RALGAPA1: variants seen among roughly 807,000 people sequenced by gnomAD.
RALGAPA1 encodes the protein ral GTPase-activating protein subunit alpha-1.
A neutral mutation model predicts 269.6 loss-of-function variants in RALGAPA1; 52 were observed. The observed-to-expected ratio is 0.19, with a 90% confidence interval of 0.15 to 0.24. The LOEUF (loss-of-function observed/expected upper bound fraction) is 0.24, where lower values mean the gene tolerates loss of function less well. RALGAPA1 is among the 10% of genes least tolerant of loss of function. The pLI, the probability that RALGAPA1 is intolerant of heterozygous loss-of-function variation, is 1.00. For missense variants in RALGAPA1, 1,917 were observed against 3,013.9 expected (o/e 0.64, Z 8.52); for synonymous variants, 817 against 1,008.3 (o/e 0.81, Z 3.60).
Position 35,539,682 on chromosome 14 carries a change from G to T in RALGAPA1, c.*32C>A. On this transcript the variant is annotated 3_prime_UTR_variant, in exon 42 of 42. Coordinates refer to ENST00000680220, the MANE Select transcript of RALGAPA1 (RefSeq NM_001346249.2). ...GGAGTTTCACTGGGTAGAATCTCTG[G>T]GTAGGAGCCTGTAGGAAACAGCAAG... The T allele has an allele frequency of 6.2e-7, 1 of 1,613,904 alleles. No individual in the cohort carries two copies. Among genetic ancestry groups the T allele is most frequent in the Non-Finnish European group, 8.5e-7 (1 of 1,179,928 alleles).
chr14:35,691,954 C>T (rs558610843), intron 17 of RALGAPA1, among the ~76,000 whole-genome samples: 10 of 152,182 alleles, frequency 6.6e-5, no homozygotes, highest in South Asian at 2.1e-4. Context: ...AAGTGAAAAG[C>T]GAAACATTTC....
chr14:35,776,669 A>G (rs906059795), intron 1 of RALGAPA1, among the ~76,000 whole-genome samples: 7 of 152,296 alleles, frequency 4.6e-5, no homozygotes, highest in South Asian at 2.1e-4. Flanking sequence ...TGGGGAAAGA[A>G]AAAAGGCCTG....
At chr14:35,782,623 G>C (rs960757778) in intron 1 of RALGAPA1, among the ~76,000 whole-genome samples, 1 of 151,532 alleles carries the variant, frequency 6.6e-6, no homozygotes, top group Non-Finnish European at 1.5e-5. Flanking sequence ...TAGTAGAGAC[G>C]AGGTTGGCCA....
intron 1 of RALGAPA1, among the ~76,000 whole-genome samples, chr14:35,805,391 G>A (rs1326789841): frequency 2.0e-5 from 3 of 150,346 alleles, no homozygotes; most frequent in East Asian, 3.9e-4. Flanking sequence ...GCAGTGAGCC[G>A]AGATCGCGCC....
At chr14:35,600,232 C>CTTTTTTTTTTTTTTTTTTTTTTTTT (rs71124708) in intron 36 of RALGAPA1, among the ~76,000 whole-genome samples, 5 of 86,934 alleles carry the variant, frequency 5.8e-5, no homozygotes, top group Non-Finnish European at 1.2e-4. Flanking sequence ...TTCTTTTTTT[C>CTTTTTTTTTTTTTTTTTTTTTTTTT]TTTTTTTTTT....
chr14:35,760,080 G>T (rs889520647), intron 6 of RALGAPA1, among the ~76,000 whole-genome samples: 1 of 152,016 alleles, frequency 6.6e-6, no homozygotes, highest in Admixed American at 6.6e-5. Flanking sequence ...CATTTTCACA[G>T]TCATCTAATG....
chr14:35,700,314 G>T lies in RALGAPA1; in HGVS notation c.2267-12C>A. 6.7e-7 allele frequency: 1 copy of T among 1,500,170 alleles called. No homozygotes were observed. Among genetic ancestry groups the T allele is most frequent in the Non-Finnish European group, 8.8e-7 (1 of 1,134,252 alleles). 92.9% of individuals were successfully genotyped at this position (1,500,170 alleles called of 1,614,324 possible). ...TCGGCTTCTCATGGCTTTAAAAAAG[G>T]AAAAGAAAGAAGTGGGGAAGGAAAA... On this transcript the variant is annotated splice_polypyrimidine_tract_variant and intron_variant, in intron 16 of 41. Transcript: ENST00000680220.
At chr14:35,766,032 CTGA>C in intron 4 of RALGAPA1, 1 of 1,377,328 alleles carries the variant, frequency 7.3e-7, no homozygotes, top group East Asian at 2.3e-5. Context: ...TTCAGACTGG[CTGA>C]TAACTGGAGG....
intron 1 of RALGAPA1, among the ~76,000 whole-genome samples, chr14:35,791,015 T>C (rs1306758830): frequency 1.3e-5 from 2 of 152,142 alleles, no homozygotes; most frequent in Non-Finnish European, 2.9e-5. Context: ...ACTGAAGTCC[T>C]TGATAAACTT....
Position 35,702,723 on chromosome 14 carries a change from A to AT in RALGAPA1, c.2267-2422_2267-2421insA, listed in dbSNP as rs1223221623. ...TTGTAATCACCTTTAATTAAAAAAA[A>AT]AAAATATATATATATATACATTTTT... On this transcript the variant is annotated intron_variant, in intron 16 of 41. Coordinates refer to ENST00000680220, the MANE Select transcript of RALGAPA1 (RefSeq NM_001346249.2). Among the ~76,000 whole-genome samples the AT allele has an allele frequency of 9.4e-3, 1,084 of 115,466 alleles. 10 individuals are homozygous for AT. The highest frequency in any genetic ancestry group is 0.031 in the African/African-American group (901 of 29,014). The allele number at this position is 115,466 out of a possible 152,430, so 75.8% of individuals were successfully genotyped here. A position where few individuals can be genotyped will look rare whatever the true frequency, so the allele number is the denominator to read the frequency against.
At chr14:35,568,131 A>C (rs2056861953) in intron 39 of RALGAPA1, among the ~76,000 whole-genome samples, 1 of 152,160 alleles carries the variant, frequency 6.6e-6, no homozygotes, top group South Asian at 2.1e-4. Context: ...TATGCCAATA[A>C]ACAGATTAAA....
chr14:35,750,302 A>G (rs1306756755), intron 9 of RALGAPA1, among the ~76,000 whole-genome samples, 180 bp downstream of exon 9: 1 of 152,186 alleles, frequency 6.6e-6, no homozygotes, highest in Non-Finnish European at 1.5e-5. Context: ...TTCCCGTTTC[A>G]TTTCTTTATT....
chr14:35,611,780 G>A (rs940371266), intron 35 of RALGAPA1, among the ~76,000 whole-genome samples: 1 of 152,016 alleles, frequency 6.6e-6, no homozygotes, highest in African/African-American at 2.4e-5. Context: ...CTCTGAAATT[G>A]ACTAGCTCAT....
At chr14:35,664,802 A>C (rs1298344425) in intron 26 of RALGAPA1, 35 bp from the exon 27 acceptor site, 1 of 1,591,432 alleles carries the variant, frequency 6.3e-7, no homozygotes, top group Admixed American at 1.8e-5. Flanking sequence ...TTAAAAATAT[A>C]TTGGTGTTAT....
chr14:35,791,862 G>GCA lies in RALGAPA1; in HGVS notation c.107-16118_107-16117insTG, dbSNP rs1567238465. 6.7e-5 allele frequency among the ~76,000 whole-genome samples: 8 copies of GCA among 119,600 alleles called. No homozygotes were observed. The South Asian group carries it at 2.2e-3, about 34-fold the overall frequency. The allele number at this position is 119,600 out of a possible 152,430, so 78.5% of individuals were successfully genotyped here. Reference sequence around the variant, plus strand: ...TGGAGCTTGCAGTGAGCCGAGATCTGCCACTGCACTCCAGCCTGGCCGACA... The same window carrying GCA: ...TGGAGCTTGCAGTGAGCCGAGATCTGCACCACTGCACTCCAGCCTGGCCGACA... On this transcript the variant is annotated intron_variant, in intron 1 of 41. Transcript: ENST00000680220.
chr14:35,701,079 A>G (rs1161806929), intron 16 of RALGAPA1, among the ~76,000 whole-genome samples: 1 of 152,214 alleles, frequency 6.6e-6, no homozygotes, highest in Non-Finnish European at 1.5e-5. Context: ...ACTTTTTAAA[A>G]ATTGCATTTG....
intron 37 of RALGAPA1, among the ~76,000 whole-genome samples, chr14:35,589,420 A>G (rs1011285092): frequency 6.6e-6 from 1 of 152,198 alleles, no homozygotes; most frequent in African/African-American, 2.4e-5. Flanking sequence ...TCTCAACATG[A>G]AAAACTGGTA....
chr14:35,659,323 T>A, intron 27 of RALGAPA1, 127 bp from the exon 28 acceptor site: 1 of 511,538 alleles, frequency 2.0e-6, no homozygotes, highest in Non-Finnish European at 3.3e-6. Context: ...AAGAGACCAA[T>A]ATTATTTATA....
intron 17 of RALGAPA1, among the ~76,000 whole-genome samples, chr14:35,699,845 T>C (rs1462791403): frequency 6.7e-6 from 1 of 149,738 alleles, no homozygotes; most frequent in Non-Finnish European, 1.5e-5. Flanking sequence ...TATATAAATG[T>C]ATACTACTAC....
Sources: gnomAD v4.1 joint callset for allele counts (sites outside exome capture counted in the v4.1 genomes callset) on GRCh38, gnomAD v4.1.1 for gene constraint, MANE v1.5 for transcripts, NCBI Gene and HGNC (gene_info 2026-07-23, HGNC 2026-07-21) for gene names.